The following ASPH variants were observed in gnomAD, a reference collection of about 807,000 sequenced individuals.
ASPH encodes the protein aspartyl/asparaginyl beta-hydroxylase.
Under a neutral mutation model 118.4 loss-of-function variants are expected in ASPH, and 100 were observed. The ratio of observed to expected loss-of-function variants is 0.84; its 90% CI spans 0.72 to 1.00. ASPH has a LOEUF of 1.00. Among genes scored for constraint, ASPH ranks in the 50% least tolerant of loss-of-function variants. The pLI is 0.00. For synonymous variants in ASPH, 315 were observed against 325.6 expected (o/e 0.97, Z 0.35); for missense variants, 920 against 919.5 (o/e 1.00, Z -0.01).
At chr8:61,551,579 G>A (rs988190412) in intron 20 of ASPH, among the ~76,000 whole-genome samples, 19 of 152,220 alleles carry the variant, frequency 1.2e-4, no homozygotes, top group Non-Finnish European at 2.6e-4. Context: ...CTTAACAAGT[G>A]TATAGTAATG....
intron 1 of ASPH, among the ~76,000 whole-genome samples, chr8:61,708,245 G>A (rs1414513574): frequency 6.6e-6 from 1 of 152,122 alleles, no homozygotes; most frequent in Non-Finnish European, 1.5e-5. Flanking sequence ...TTATTATAAA[G>A]GTTAGAGAAC....
At chr8:61,665,027 G>T in intron 3 of ASPH, 1 of 1,267,944 alleles carries the variant, frequency 7.9e-7, no homozygotes, top group Admixed American at 3.9e-5. Context: ...ATAAATAGAA[G>T]TTATTACATC....
chr8:61,627,857 C>T (rs1282880575), intron 13 of ASPH, among the ~76,000 whole-genome samples: 1 of 152,152 alleles, frequency 6.6e-6, no homozygotes, highest in Non-Finnish European at 1.5e-5. Flanking sequence ...CCATTTCTTC[C>T]TGCCTTCTCT....
At chr8:61,646,564 T>A (rs986135295) in intron 6 of ASPH, among the ~76,000 whole-genome samples, 186 bp downstream of exon 6, 5 of 152,198 alleles carry the variant, frequency 3.3e-5, no homozygotes, top group Non-Finnish European at 7.3e-5. Context: ...CCCTGAAAAG[T>A]GCTTTGAACC....
At chr8:61,698,757 A>AC (rs1021989912) in intron 1 of ASPH, among the ~76,000 whole-genome samples, 1 of 152,296 alleles carries the variant, frequency 6.6e-6, no homozygotes, top group African/African-American at 2.4e-5. Flanking sequence ...ACTCTGGGAG[A>AC]CCACAAGGGT....
chr8:61,524,344 T>C (rs1187625217), intron 22 of ASPH, among the ~76,000 whole-genome samples: 2 of 151,512 alleles, frequency 1.3e-5, no homozygotes, highest in Non-Finnish European at 2.9e-5. Context: ...GGAATTCCAA[T>C]CAAAATATTT....
chr8:61,557,120 A>G (rs1828149345), intron 18 of ASPH, among the ~76,000 whole-genome samples: 1 of 152,112 alleles, frequency 6.6e-6, no homozygotes, highest in Non-Finnish European at 1.5e-5. Flanking sequence ...ATCTCTCTAT[A>G]TCTTCTTACA....
Position 61,617,947 on chromosome 8 carries a change from A to AAG in ASPH, c.976+1030_976+1031insCT, listed in dbSNP as rs1554683197. Among the ~76,000 whole-genome samples, 19 of 150,770 alleles carry AAG rather than the reference A, an allele frequency of 1.3e-4. No individual in the cohort carries two copies. The East Asian group carries it at 1.4e-3, about 11-fold the overall frequency. On this transcript the variant is annotated intron_variant, in intron 14 of 24. Coordinates refer to ENST00000379454, the MANE Select transcript of ASPH (RefSeq NM_004318.4). ...GACGCCATCTCAAAAAAAAAAAAAA[A>AAG]AAAGAAAGAAAGAAAGAAAGAAACA...
At chr8:61,640,658 AC>A (rs1804695901) in intron 10 of ASPH, among the ~76,000 whole-genome samples, 2 of 152,222 alleles carry the variant, frequency 1.3e-5, no homozygotes, top group Admixed American at 1.3e-4. Context: ...TTTAATTTCT[AC>A]TACCCTACTA....
At chr8:61,644,999 A>G (rs766440864) in intron 6 of ASPH, among the ~76,000 whole-genome samples, 46 of 152,178 alleles carry the variant, frequency 3.0e-4, no homozygotes, top group Non-Finnish European at 6.2e-4. Context: ...TTCTAGAGCG[A>G]AAGTACAGCA....
intron 3 of ASPH, among the ~76,000 whole-genome samples, chr8:61,679,712 T>C (rs1827017218): frequency 6.6e-6 from 1 of 151,852 alleles, no homozygotes; most frequent in Non-Finnish European, 1.5e-5. Flanking sequence ...AATGAAGTAA[T>C]AAACCATTTA....
At chr8:61,650,683 T>A (rs1402561078) in intron 5 of ASPH, among the ~76,000 whole-genome samples, 1 of 152,174 alleles carries the variant, frequency 6.6e-6, no homozygotes, top group Non-Finnish European at 1.5e-5. Flanking sequence ...CAGCCAACCA[T>A]GAAGCAAAAT....
intron 12 of ASPH, 98 bp from the exon 13 acceptor site, chr8:61,633,825 T>G: frequency 2.5e-6 from 2 of 802,060 alleles, no homozygotes; most frequent in East Asian, 6.0e-5. Context: ...TTTTCATAGA[T>G]TTTTTAAACA....
intron 7 of ASPH, 61 bp from the exon 8 acceptor site, chr8:61,644,062 A>G: frequency 7.8e-7 from 1 of 1,282,104 alleles, no homozygotes; most frequent in African/African-American, 1.5e-5. Flanking sequence ...GTAATATTCG[A>G]AACCAGAAAG....
rs146901967 is a variant in ASPH at position 61,504,144 on chromosome 8, T to A, written c.2127-635A>T. ...CTATAGAGCTTCCAACTTTACCTCA[T>A]AAGATATCTGTATAGGGACTGCGAT... On this transcript the variant is annotated intron_variant, in intron 24 of 24. Coordinates refer to ENST00000379454, the MANE Select transcript of ASPH (RefSeq NM_004318.4). 2.3e-3 allele frequency among the ~76,000 whole-genome samples: 347 copies of A among 152,260 alleles called. 2 individuals are homozygous for A. Among genetic ancestry groups the A allele is most frequent in the African/African-American group, 7.8e-3 (326 of 41,544 alleles).
intron 21 of ASPH, among the ~76,000 whole-genome samples, chr8:61,539,707 T>G (rs952886712): frequency 2.7e-4 from 23 of 84,928 alleles, no homozygotes; most frequent in African/African-American, 8.9e-4. Context: ...GGGGTGTGTG[T>G]GTGTGTGTGT....
At chr8:61,648,709 T>C (rs897250665) in intron 5 of ASPH, among the ~76,000 whole-genome samples, 1 of 152,200 alleles carries the variant, frequency 6.6e-6, no homozygotes, top group African/African-American at 2.4e-5. Context: ...CATGAGACTC[T>C]AGGCATGGCC....
intron 17 of ASPH, 133 bp downstream of exon 17, chr8:61,567,035 A>AT: frequency 9.1e-7 from 1 of 1,100,452 alleles, no homozygotes; most frequent in South Asian, 1.6e-5. Context: ...TAGGACAGAC[A>AT]CATTACTTGA....
intron 13 of ASPH, among the ~76,000 whole-genome samples, chr8:61,632,958 A>T (rs956717458): frequency 6.6e-6 from 1 of 152,240 alleles, no homozygotes; most frequent in Non-Finnish European, 1.5e-5. Context: ...GAAGAAATAC[A>T]CTTGGGAAAG....
Sources: allele counts gnomAD v4.1 joint callset (sites outside exome capture counted in the v4.1 genomes callset), GRCh38; gene constraint gnomAD v4.1.1; transcripts MANE v1.5; gene names NCBI Gene and HGNC (gene_info 2026-07-23, HGNC 2026-07-21).